Variants in INSL6 observed in about 807,000 individuals in gnomAD.
INSL6 encodes the protein insulin like 6, also known as insulin-like peptide INSL6.
Under a neutral mutation model 9.4 loss-of-function variants are expected in INSL6, and 16 were observed. The observed-to-expected ratio is 1.70, with a 90% CI of 1.15 to 2.59. The LOEUF (loss-of-function observed/expected upper bound fraction) is 2.59, where lower values mean the gene tolerates loss of function less well. Ranked by LOEUF, INSL6 falls within the 30% of genes most tolerant of loss-of-function variation. The pLI is 0.00. For synonymous variants in INSL6, 154 were observed against 96.9 expected (o/e 1.59, Z -3.46); for missense variants, 391 against 257.3 (o/e 1.52, Z -3.56).
At chr9:5,185,090 A>C (rs759479689) in intron 1 of INSL6, among the ~76,000 whole-genome samples, 3 of 152,208 alleles carry the variant, frequency 2.0e-5, no homozygotes, top group Non-Finnish European at 4.4e-5. Flanking sequence ...TTCTTACATA[A>C]ATATGTAGAC....
At chr9:5,019,635 A>G in the INSL6 span, among the ~76,000 whole-genome samples, 1 of 152,134 alleles carries the variant, frequency 6.6e-6, no homozygotes, top group Non-Finnish European at 1.5e-5. Flanking sequence ...TACTTCTTTG[A>G]TATCCACACA....
the INSL6 span, among the ~76,000 whole-genome samples, chr9:5,001,504 T>C: frequency 5.3e-5 from 8 of 152,176 alleles, no homozygotes; most frequent in Non-Finnish European, 1.0e-4. Context: ...CATTTTCAAA[T>C]GTCAAAGCAA....
intron 1 of INSL6, 53 bp downstream of exon 1, chr9:5,185,261 G>A (rs142787989): frequency 1.4e-5 from 23 of 1,609,910 alleles, no homozygotes; most frequent in African/African-American, 1.3e-4. Flanking sequence ...AGCAAATGCA[G>A]GAATAAGAAA....
the INSL6 span, among the ~76,000 whole-genome samples, chr9:5,083,321 G>C: frequency 1.3e-5 from 2 of 152,152 alleles, no homozygotes; most frequent in Non-Finnish European, 2.9e-5. Flanking sequence ...AGTAAGACCA[G>C]GGAATGCTCA....
At chr9:5,015,942 A>G in the INSL6 span, among the ~76,000 whole-genome samples, 1 of 152,212 alleles carries the variant, frequency 6.6e-6, no homozygotes, top group Non-Finnish European at 1.5e-5. Context: ...CTGTACATAT[A>G]TATAGATTAT....
At chr9:5,122,039 T>C (rs1479752210), downstream of INSL6, among the ~76,000 whole-genome samples, 1 of 152,126 alleles carries the variant, frequency 6.6e-6, no homozygotes, top group Non-Finnish European at 1.5e-5. Flanking sequence ...GGATGTTTAA[T>C]TACGTAGTAT....
chr9:5,078,238 T>C, the INSL6 span: 1 of 1,333,200 alleles, frequency 7.5e-7, no homozygotes, highest in Non-Finnish European at 1.0e-6. Flanking sequence ...TTTTGGGGGC[T>C]TGAACATACT....
chr9:5,030,826 T>C, the INSL6 span, among the ~76,000 whole-genome samples: 1 of 152,176 alleles, frequency 6.6e-6, no homozygotes, highest in Non-Finnish European at 1.5e-5. Flanking sequence ...TGATGTCTAA[T>C]GTATAATTTG....
At chr9:5,022,462 A>C in the INSL6 span, among the ~76,000 whole-genome samples, 1 of 152,314 alleles carries the variant, frequency 6.6e-6, no homozygotes, top group African/African-American at 2.4e-5. Flanking sequence ...ATAATTACAT[A>C]TAAGGTGGTT....
the INSL6 span, among the ~76,000 whole-genome samples, chr9:5,033,090 G>A: frequency 9.2e-5 from 14 of 152,332 alleles, no homozygotes; most frequent in East Asian, 1.9e-3. Flanking sequence ...CGAGAACTAC[G>A]TGATGAATGC....
the INSL6 span, among the ~76,000 whole-genome samples, chr9:5,057,192 GAT>G: frequency 6.6e-6 from 1 of 151,774 alleles, no homozygotes; most frequent in South Asian, 2.1e-4. Flanking sequence ...TTTTATTCAT[GAT>G]ATGTTATGCT....
chr9:5,022,288 T>C, the INSL6 span: 2 of 893,362 alleles, frequency 2.2e-6, no homozygotes, highest in African/African-American at 3.4e-5. Context: ...ACTAGGTACA[T>C]GCATAATATA....
intron 2 of INSL6, among the ~76,000 whole-genome samples, chr9:5,149,578 A>G (rs1017762031): frequency 5.9e-5 from 9 of 152,238 alleles, no homozygotes; most frequent in African/African-American, 2.2e-4. Context: ...TGCAGTGATG[A>G]AAGAAATTAT....
chr9:5,016,620 C>T, the INSL6 span, among the ~76,000 whole-genome samples: 1 of 152,104 alleles, frequency 6.6e-6, no homozygotes, highest in Non-Finnish European at 1.5e-5. Flanking sequence ...CACAGCTTAA[C>T]AAATTTTCAT....
the INSL6 span, among the ~76,000 whole-genome samples, chr9:5,117,944 GA>G: frequency 6.6e-6 from 1 of 152,128 alleles, no homozygotes; most frequent in Non-Finnish European, 1.5e-5. Context: ...AAAGAATTTA[GA>G]AAAACCACAT....
the INSL6 span, chr9:5,072,617 C>A: frequency 5.0e-6 from 8 of 1,604,584 alleles, no homozygotes; most frequent in Non-Finnish European, 6.8e-6. Context: ...CACACAGAAA[C>A]TATTCAGAGG....
At chr9:5,028,833 GC>G in the INSL6 span, among the ~76,000 whole-genome samples, 1 of 152,166 alleles carries the variant, frequency 6.6e-6, no homozygotes, top group Non-Finnish European at 1.5e-5. Flanking sequence ...GACAATTAGG[GC>G]CTTGCTCTGG....
chr9:5,131,490 T>C (rs935923421), intron 3 of INSL6, among the ~76,000 whole-genome samples: 2 of 141,594 alleles, frequency 1.4e-5, no homozygotes, highest in Admixed American at 1.5e-4. Context: ...CAGGCTGGAG[T>C]GCAATGGCGT....
the INSL6 span, chr9:5,069,354 A>C: frequency 2.6e-5 from 14 of 534,520 alleles, no homozygotes; most frequent in Non-Finnish European, 4.2e-5. Flanking sequence ...TACAAGCATC[A>C]TCAAATAAGA....
Sources: gnomAD v4.1 joint callset for allele counts (sites outside exome capture counted in the v4.1 genomes callset) on GRCh38, gnomAD v4.1.1 for gene constraint, MANE v1.5 for transcripts, NCBI Gene and HGNC (gene_info 2026-07-23, HGNC 2026-07-21) for gene names.